The following FKBP5 variants were observed in gnomAD, a reference collection of about 807,000 sequenced individuals.
FKBP5 encodes the protein FKBP prolyl isomerase 5.
Under a neutral mutation model 50.5 loss-of-function variants are expected in FKBP5, and 23 were observed. The observed-to-expected ratio is 0.46, with a 90% confidence interval of 0.33 to 0.65. The LOEUF is 0.65. Ranked by LOEUF, FKBP5 falls within the 30% of genes least tolerant of loss-of-function variation. FKBP5 has a pLI of 0.02. For synonymous variants in FKBP5, 176 were observed against 190.6 expected (o/e 0.92, Z 0.63); for missense variants, 411 against 553.1 (o/e 0.74, Z 2.58).
chr6:35,689,581 G>C (rs577706833), upstream of FKBP5, among the ~76,000 whole-genome samples: 28 of 152,206 alleles, frequency 1.8e-4, no homozygotes, highest in Admixed American at 1.8e-3. Flanking sequence ...GGTGGCTCAC[G>C]CCTGTAATCC....
intron 1 of FKBP5, among the ~76,000 whole-genome samples, chr6:35,663,911 A>G (rs1025592668): frequency 1.3e-5 from 2 of 152,220 alleles, no homozygotes; most frequent in Non-Finnish European, 2.9e-5. Context: ...TAACCGTGTG[A>G]CATTGAGATT....
At chr6:35,649,686 G>A (rs1030894695) in intron 1 of FKBP5, among the ~76,000 whole-genome samples, 7 of 152,156 alleles carry the variant, frequency 4.6e-5, no homozygotes, top group Admixed American at 1.3e-4. Context: ...AACATGAAAT[G>A]CTTTGAGTGA....
At chr6:35,576,093 A>C in intron 10 of FKBP5, 151 bp from the exon 11 acceptor site, 2 of 656,176 alleles carry the variant, frequency 3.0e-6, no homozygotes, top group South Asian at 3.4e-5. Flanking sequence ...CTGTGCTACC[A>C]ATAGTTAGAG....
At chr6:35,710,204 C>T (rs540043346) in intron 2 of FKBP5, among the ~76,000 whole-genome samples, 6 of 152,094 alleles carry the variant, frequency 3.9e-5, no homozygotes, top group Non-Finnish European at 7.4e-5. Context: ...TAGGGCTGGG[C>T]GCAGTGGTTC....
At chr6:35,593,044 A>T (rs1444347077) in intron 6 of FKBP5, among the ~76,000 whole-genome samples, 1 of 152,230 alleles carries the variant, frequency 6.6e-6, no homozygotes, top group Admixed American at 6.5e-5. Flanking sequence ...AAATGAAGCG[A>T]TTCAGTCAAG....
At chr6:35,690,192 G>A (rs1765956929), upstream of FKBP5, among the ~76,000 whole-genome samples, 1 of 152,224 alleles carries the variant, frequency 6.6e-6, no homozygotes, top group Non-Finnish European at 1.5e-5. Flanking sequence ...CTGGGCGCCG[G>A]GCGCGGTGGC....
At chr6:35,671,164 T>C (rs1318053342) in intron 1 of FKBP5, among the ~76,000 whole-genome samples, 1 of 151,800 alleles carries the variant, frequency 6.6e-6, no homozygotes, top group Non-Finnish European at 1.5e-5. Flanking sequence ...CTTGGGTGGC[T>C]GAGGTGGAAG....
At chr6:35,591,108 A>C in intron 7 of FKBP5, 22 bp downstream of exon 7, 1 of 1,511,070 alleles carries the variant, frequency 6.6e-7, no homozygotes. Context: ...CCATAATTTT[A>C]AGGAAGTTGG....
chr6:35,593,205 C>T (rs1762873589), intron 6 of FKBP5, among the ~76,000 whole-genome samples: 1 of 152,180 alleles, frequency 6.6e-6, no homozygotes, highest in Admixed American at 6.5e-5. Context: ...AAAAACAAAA[C>T]ACCACAAGAG....
intron 5 of FKBP5, among the ~76,000 whole-genome samples, chr6:35,606,431 G>T (rs1763316881): frequency 6.6e-6 from 1 of 151,934 alleles, no homozygotes; most frequent in African/African-American, 2.4e-5. Flanking sequence ...GCCGAGGCAG[G>T]CAGATCATGA....
At chr6:35,584,687 T>C (rs1386584404) in intron 8 of FKBP5, 3 of 985,468 alleles carry the variant, frequency 3.0e-6, no homozygotes, top group Non-Finnish European at 3.6e-6. Flanking sequence ...TGGTACAAAA[T>C]GTTCAGAGAC....
chr6:35,610,563 G>A (rs1373400953), intron 5 of FKBP5, among the ~76,000 whole-genome samples: 17 of 31,770 alleles, frequency 5.4e-4, no homozygotes, highest in Admixed American at 2.6e-3. Flanking sequence ...GCAAGACTCC[G>A]TCTCAAAAAA....
chr6:35,604,734 A>AT (rs1213788668), intron 5 of FKBP5, among the ~76,000 whole-genome samples: 1 of 151,172 alleles, frequency 6.6e-6, no homozygotes, highest in Non-Finnish European at 1.5e-5. Flanking sequence ...TCCCATTCAT[A>AT]TTTTTTGTAA....
intron 1 of FKBP5, among the ~76,000 whole-genome samples, chr6:35,673,617 T>C (rs1182974103): frequency 1.3e-5 from 2 of 152,166 alleles, no homozygotes; most frequent in Non-Finnish European, 2.9e-5. Context: ...ACTATTATAT[T>C]TATAATTTAC....
intron 2 of FKBP5, among the ~76,000 whole-genome samples, chr6:35,708,545 C>A (rs1401207352): frequency 6.6e-6 from 1 of 150,862 alleles, no homozygotes. Flanking sequence ...AGCCATTGCG[C>A]CTGGCCTTGT....
At chr6:35,689,403 C>T (rs1765938423), upstream of FKBP5, among the ~76,000 whole-genome samples, 2 of 152,060 alleles carry the variant, frequency 1.3e-5, no homozygotes, top group Admixed American at 6.5e-5. Context: ...GATGCCCAGT[C>T]GGGACTGGGG....
chr6:35,634,685 C>T (rs1415665438), intron 3 of FKBP5, among the ~76,000 whole-genome samples: 10 of 147,134 alleles, frequency 6.8e-5, no homozygotes, highest in Admixed American at 6.2e-4. Flanking sequence ...GAAGTCCACA[C>T]ATAGCCATGG....
intron 1 of FKBP5, among the ~76,000 whole-genome samples, chr6:35,725,786 C>A (rs144506485): frequency 3.3e-5 from 5 of 152,156 alleles, no homozygotes; most frequent in African/African-American, 1.2e-4. Context: ...ACGGTACATT[C>A]CGGTCCCAGC....
chr6:35,685,982 C>CAAAAAAAAA (rs60786619), intron 1 of FKBP5, among the ~76,000 whole-genome samples: 1 of 46,244 alleles, frequency 2.2e-5, no homozygotes, highest in Non-Finnish European at 5.2e-5. Flanking sequence ...AACGCCATCT[C>CAAAAAAAAA]AAAAAAAAAA....
Sources: allele counts gnomAD v4.1 joint callset (sites outside exome capture counted in the v4.1 genomes callset), GRCh38; gene constraint gnomAD v4.1.1; transcripts MANE v1.5; gene names NCBI Gene and HGNC (gene_info 2026-07-23, HGNC 2026-07-21).